Variants in GZMM observed in about 807,000 individuals in gnomAD.
GZMM encodes the protein granzyme M.
A neutral mutation model predicts 19.2 loss-of-function variants in GZMM; 23 were observed. The ratio of observed to expected loss-of-function variants is 1.20; its 90% CI spans 0.86 to 1.69. The LOEUF (loss-of-function observed/expected upper bound fraction) is 1.69, where lower values mean the gene tolerates loss of function less well. Ranked by LOEUF, GZMM falls within the 40% of genes most tolerant of loss-of-function variation. The pLI, the probability that GZMM is intolerant of heterozygous loss-of-function variation, is 0.00. For missense variants in GZMM, 373 were observed against 352.2 expected, an observed-to-expected ratio of 1.06 and a Z score of -0.47; for synonymous variants, 178 against 160.2, an observed-to-expected ratio of 1.11 and a Z score of -0.84.
intron 2 of GZMM, among the ~76,000 whole-genome samples, chr19:547,752 C>T (rs918967899): frequency 1.3e-5 from 2 of 152,166 alleles, no homozygotes; most frequent in African/African-American, 2.4e-5. Flanking sequence ...CTGATGGACC[C>T]AACTTAGGCG....
chr19:544,315 A>G (rs3760874), intron 1 of GZMM, among the ~76,000 whole-genome samples, 189 bp downstream of exon 1: 103,361 of 152,034 alleles, frequency 0.68, 37,932 homozygotes, highest in Non-Finnish European at 0.82. Flanking sequence ...ACATCCCGGG[A>G]CCGTGGGAGA....
Position 548,662 on chromosome 19 carries a change from C to A in GZMM, c.333C>A (p.Asp111Glu), listed in dbSNP as rs745672977. The A allele has an allele frequency of 1.3e-5, 21 of 1,613,042 alleles. No individual in the cohort carries two copies. Among genetic ancestry groups the A allele is most frequent in the Non-Finnish European group, 1.8e-5 (21 of 1,179,706 alleles). Residue 111 changes from aspartate (D) to glutamate (E), a missense_variant, in exon 3 of 5, where the codon GAC becomes GAA. Asp to Glu is a conservative substitution (Grantham distance 45). Transcript: ENST00000264553. Reference protein sequence around the residue: ...RYKPVPALENDLALLQLDGKV... With the variant: ...RYKPVPALENELALLQLDGKV... ...AGCCCGTCCCTGCCCTGGAGAACGACCTCGCGCTGCTTCAGGTGTGCAGGG... is the reference window on the plus strand; with the variant it reads ...AGCCCGTCCCTGCCCTGGAGAACGAACTCGCGCTGCTTCAGGTGTGCAGGG...
At chr19:548,772 C>T (rs1361587385) in intron 3 of GZMM, 95 bp downstream of exon 3, 3 of 797,918 alleles carry the variant, frequency 3.8e-6, no homozygotes, top group South Asian at 3.3e-5. Context: ...GCCGACCCTC[C>T]CCCCGCACTG....
intron 1 of GZMM, among the ~76,000 whole-genome samples, chr19:545,046 TC>T (rs1248885194): frequency 2.0e-5 from 3 of 149,610 alleles, no homozygotes; most frequent in Non-Finnish European, 3.0e-5. Context: ...TCTCTTCCTT[TC>T]CCCCCTCCTT....
chr19:548,714 C>T lies in GZMM; in HGVS notation c.348+37C>T, dbSNP rs764153445. The T allele has an allele frequency of 2.1e-5, 33 of 1,602,324 alleles. 1 individual carries two copies. The South Asian group carries it at 3.5e-4, about 17-fold the overall frequency. Reference sequence around the variant, plus strand: ...CGGGACAGGGAGAACTGGGCACCCTCCTGTCCCCCACGGGTGCCCCTCACC... The same window carrying T: ...CGGGACAGGGAGAACTGGGCACCCTTCTGTCCCCCACGGGTGCCCCTCACC... On this transcript the variant is annotated intron_variant, in intron 3 of 4. Coordinates refer to ENST00000264553, the MANE Select transcript of GZMM (RefSeq NM_005317.4).
At chr19:549,562 G>A (rs1444474394) in intron 4 of GZMM, 68 bp from the exon 5 acceptor site, 35 of 1,491,816 alleles carry the variant, frequency 2.3e-5, no homozygotes, top group Middle Eastern at 2.2e-4. Flanking sequence ...TGCTCCCCTC[G>A]GCGGGCCCTG....
chr19:547,940 C>A (rs1242598460), intron 2 of GZMM, among the ~76,000 whole-genome samples: 1 of 152,086 alleles, frequency 6.6e-6, no homozygotes, highest in African/African-American at 2.4e-5. Flanking sequence ...CATACAGAGC[C>A]CAGATCAAGA....
At chr19:548,323 G>A (rs1980364094) in intron 2 of GZMM, among the ~76,000 whole-genome samples, 1 of 152,174 alleles carries the variant, frequency 6.6e-6, no homozygotes, top group Admixed American at 6.5e-5. Flanking sequence ...CTGGGGCCAG[G>A]GCCGGGCAGA....
At chr19:544,180 G>A in intron 1 of GZMM, 54 bp downstream of exon 1, 2 of 1,455,834 alleles carry the variant, frequency 1.4e-6, no homozygotes. Context: ...CTCTCGGTGG[G>A]TCCCTGGATG....
In GZMM at chr19:549,188, G is replaced by T; in HGVS notation, c.612+3G>T. 6.4e-7 allele frequency: 1 copy of T among 1,566,470 alleles called. No individual in the cohort carries two copies. Among genetic ancestry groups the T allele is most frequent in the Non-Finnish European group, 8.7e-7 (1 of 1,155,504 alleles). Reference sequence around the variant, plus strand: ...CCAAGGACCAGGCTCCCTGCAAGGTGAGGGGCGCCCGGGTGGGGCTGGGGG... The same window carrying T: ...CCAAGGACCAGGCTCCCTGCAAGGTTAGGGGCGCCCGGGTGGGGCTGGGGG... On this transcript the variant is annotated splice_donor_region_variant and intron_variant, in intron 4 of 4. Transcript: ENST00000264553.
At position 544,116 on chromosome 19, in the gene GZMM, C is replaced by T; in HGVS notation, c.45C>T (p.Ala15=). ...VSSLLVLALG[A]LSVGSSFGTQ... is the part of the protein sequence containing the mutation. ...CACTGCTGGTGCTGGCCCTGGGGGC[C>T]CTGTCAGTAGGTGAGTGGGAGCCGG... is the stretch of plus-strand genomic sequence containing the variant. Residue 15 remains alanine, a synonymous_variant, in exon 1 of 5, where the codon GCC becomes GCT. Transcript: ENST00000264553. 2 of 1,545,166 alleles carry T rather than the reference C, an allele frequency of 1.3e-6. No homozygotes were observed. The highest frequency in any genetic ancestry group is 1.8e-6 in the Non-Finnish European group (2 of 1,142,782).
intron 1 of GZMM, 83 bp downstream of exon 1, chr19:544,209 G>A (rs552408927): frequency 2.0e-5 from 23 of 1,165,344 alleles, no homozygotes; most frequent in African/African-American, 1.1e-4. Context: ...GGGCGCGGGC[G>A]CCGACATCCT....
At position 547,298 on chromosome 19, in the gene GZMM, A is replaced by G. The variant is rs1980321787; in HGVS notation, c.74A>G (p.Gln25Arg). 3 of 1,546,422 alleles carry G rather than the reference A, an allele frequency of 1.9e-6. No individual in the cohort carries two copies. The highest frequency in any genetic ancestry group is 2.5e-5 in the East Asian group (1 of 40,094). The change falls in exon 2 of 5, where the codon CAG becomes CGG. Residue 25 changes from glutamine to arginine, a missense_variant. Physicochemically the swap from Gln to Arg is conservative, Grantham distance 43 (BLOSUM62 1). Transcript: ENST00000264553. The part of the protein sequence containing the change: ...ALSVGSSFGT[Q>R]IIGGREVIPH... Reference sequence around the variant, plus strand: ...CTGGCAGGCAGCTCCTTTGGGACCCAGATCATCGGGGGCCGGGAGGTGATC... The same window carrying G: ...CTGGCAGGCAGCTCCTTTGGGACCCGGATCATCGGGGGCCGGGAGGTGATC...
chr19:545,055 C>T (rs1273477169), intron 1 of GZMM, among the ~76,000 whole-genome samples: 2 of 152,110 alleles, frequency 1.3e-5, no homozygotes, highest in East Asian at 3.9e-4. Context: ...TTCCCCCCTC[C>T]TTCCCTCCTC....
At chr19:544,670 C>T (rs891674202) in intron 1 of GZMM, among the ~76,000 whole-genome samples, 5 of 151,964 alleles carry the variant, frequency 3.3e-5, no homozygotes, top group South Asian at 2.1e-4. Flanking sequence ...ATCATCCTTC[C>T]TCCCATTTTT....
At chr19:546,370 C>T (rs1980281422) in intron 1 of GZMM, among the ~76,000 whole-genome samples, 1 of 151,026 alleles carries the variant, frequency 6.6e-6, no homozygotes. Context: ...GAAACCCTGT[C>T]GCTACTAAAA....
At chr19:548,761 T>TGCCGACCCTCCCCCCGCA in intron 3 of GZMM, 84 bp downstream of exon 3, 1 of 715,962 alleles carries the variant, frequency 1.4e-6, no homozygotes, top group Non-Finnish European at 1.9e-6. Context: ...CTCCCCCCGC[T>TGCCGACCCTCCCCCCGCA]GCCGACCCTC....
intron 4 of GZMM, 115 bp downstream of exon 4, chr19:549,300 T>C (rs1600444112): frequency 1.0e-6 from 1 of 955,410 alleles, no homozygotes; most frequent in South Asian, 1.7e-5. Context: ...TGTCAGGGGC[T>C]GGGGGGCGGG....
At chr19:546,573 C>T (rs934701162) in intron 1 of GZMM, among the ~76,000 whole-genome samples, 1 of 146,256 alleles carries the variant, frequency 6.8e-6, no homozygotes, top group Non-Finnish European at 1.5e-5. Flanking sequence ...GGTGCAGTGG[C>T]TCATACCTGT....
Sources: allele counts gnomAD v4.1 joint callset (sites outside exome capture counted in the v4.1 genomes callset), GRCh38; gene constraint gnomAD v4.1.1; transcripts MANE v1.5; gene names NCBI Gene and HGNC (gene_info 2026-07-23, HGNC 2026-07-21).